The following ARHGAP26 variants were observed in gnomAD, a reference collection of about 807,000 sequenced individuals.
The protein encoded by ARHGAP26 is Rho GTPase activating protein 26, also known as rho GTPase-activating protein 26.
In ARHGAP26, 38 loss-of-function variants were observed where a neutral mutation model predicts 104.8. The observed-to-expected ratio is 0.36, with a 90% CI of 0.28 to 0.48. The LOEUF is 0.48. Among genes scored for constraint, ARHGAP26 ranks in the 20% least tolerant of loss-of-function variants. The pLI is 0.99. For missense variants in ARHGAP26, 704 were observed against 947.9 expected, an observed-to-expected ratio of 0.74 and a Z score of 3.38; for synonymous variants, 341 against 340.0, an observed-to-expected ratio of 1.00 and a Z score of -0.03.
chr5:142,853,180 T>G (rs1597914221), intron 1 of ARHGAP26, among the ~76,000 whole-genome samples: 1 of 152,142 alleles, frequency 6.6e-6, no homozygotes, highest in African/African-American at 2.4e-5. Flanking sequence ...AGATTTTATT[T>G]TTTAATTTTA....
intron 11 of ARHGAP26, among the ~76,000 whole-genome samples, chr5:142,934,023 G>T (rs559673745): frequency 6.6e-6 from 1 of 152,256 alleles, no homozygotes; most frequent in Admixed American, 6.5e-5. Flanking sequence ...GAACAATCCT[G>T]TATGGGATTC....
intron 17 of ARHGAP26, among the ~76,000 whole-genome samples, chr5:143,116,001 C>CA (rs56345019): frequency 0.85 from 116,657 of 137,456 alleles, 48,035 homozygotes; most frequent in Non-Finnish European, 0.92. Flanking sequence ...AAAATAGAAT[C>CA]GACAGGATAA....
At chr5:142,785,998 GAC>G (rs1170497280) in intron 1 of ARHGAP26, among the ~76,000 whole-genome samples, 4 of 147,426 alleles carry the variant, frequency 2.7e-5, no homozygotes, top group Non-Finnish European at 6.0e-5. Context: ...TTTTTAAATA[GAC>G]AGAGTCTTGT....
chr5:142,983,500 C>A (rs1774250791), intron 11 of ARHGAP26, among the ~76,000 whole-genome samples: 1 of 152,226 alleles, frequency 6.6e-6, no homozygotes, highest in Non-Finnish European at 1.5e-5. Flanking sequence ...GCCTCCACGA[C>A]CAGCCTGGTC....
At chr5:143,202,914 C>G (rs1210583318) in intron 20 of ARHGAP26, 1 of 152,070 alleles carries the variant, frequency 6.6e-6, no homozygotes, top group Non-Finnish European at 1.5e-5. Context: ...ACATTTTATA[C>G]AAAAATTAGC....
chr5:142,826,508 TG>T (rs1378218478), intron 1 of ARHGAP26, among the ~76,000 whole-genome samples: 2 of 152,246 alleles, frequency 1.3e-5, no homozygotes, highest in Admixed American at 1.3e-4. Context: ...TTCAACTACG[TG>T]CTAGCACGAG....
intron 1 of ARHGAP26, chr5:142,771,287 C>T (rs1197268424): frequency 1.2e-5 from 15 of 1,239,716 alleles, no homozygotes; most frequent in African/African-American, 3.1e-5. Flanking sequence ...CTCCAGCTCC[C>T]TTAGGGGCAG....
intron 14 of ARHGAP26, among the ~76,000 whole-genome samples, chr5:143,046,785 T>G (rs1784303801): frequency 6.6e-6 from 1 of 152,240 alleles, no homozygotes; most frequent in South Asian, 2.1e-4. Flanking sequence ...GTACATATTT[T>G]AAATAAATTT....
chr5:142,943,606 A>T (rs1181989867), intron 11 of ARHGAP26, among the ~76,000 whole-genome samples: 2 of 152,142 alleles, frequency 1.3e-5, no homozygotes, highest in Admixed American at 6.5e-5. Flanking sequence ...AACACATGAA[A>T]TTTTTTGGGG....
At chr5:143,060,094 A>G (rs1244556355) in intron 17 of ARHGAP26, among the ~76,000 whole-genome samples, 1 of 152,206 alleles carries the variant, frequency 6.6e-6, no homozygotes, top group Non-Finnish European at 1.5e-5. Context: ...GCAGTAAGGG[A>G]AAGTTAACTT....
intron 11 of ARHGAP26, among the ~76,000 whole-genome samples, chr5:142,932,330 G>A (rs1764846436): frequency 6.6e-6 from 1 of 152,166 alleles, no homozygotes; most frequent in Non-Finnish European, 1.5e-5. Flanking sequence ...TGGCCTCTCT[G>A]TCCTAAGGCA....
intron 10 of ARHGAP26, among the ~76,000 whole-genome samples, chr5:142,928,218 T>TG (rs1446608415): frequency 4.4e-5 from 6 of 137,630 alleles, no homozygotes; most frequent in African/African-American, 1.3e-4. Context: ...ATTAGGACTT[T>TG]TTGTGTGTGT....
At chr5:142,940,143 C>A (rs1766022074) in intron 11 of ARHGAP26, among the ~76,000 whole-genome samples, 1 of 152,188 alleles carries the variant, frequency 6.6e-6, no homozygotes, top group Non-Finnish European at 1.5e-5. Context: ...AGTTCATAAT[C>A]CTGCTGTATG....
intron 17 of ARHGAP26, among the ~76,000 whole-genome samples, chr5:143,095,073 G>A (rs1598988128): frequency 6.6e-6 from 1 of 151,528 alleles, no homozygotes; most frequent in African/African-American, 2.4e-5. Context: ...ATATCACCTG[G>A]ACTTTTGACT....
At chr5:143,067,246 T>C (rs554579455) in intron 17 of ARHGAP26, among the ~76,000 whole-genome samples, 1 of 152,304 alleles carries the variant, frequency 6.6e-6, no homozygotes, top group South Asian at 2.1e-4. Flanking sequence ...CTGACTTTCC[T>C]TCTGTTTTAC....
intron 17 of ARHGAP26, among the ~76,000 whole-genome samples, chr5:143,111,063 T>A (rs550624941): frequency 6.6e-6 from 1 of 152,334 alleles, no homozygotes; most frequent in African/African-American, 2.4e-5. Flanking sequence ...AGCAAAAGTA[T>A]CATTCTTCTT....
At chr5:142,888,571 A>C (rs1598093722) in intron 5 of ARHGAP26, among the ~76,000 whole-genome samples, 1 of 152,216 alleles carries the variant, frequency 6.6e-6, no homozygotes, top group South Asian at 2.1e-4. Context: ...CACTCTGATT[A>C]TCCAGAGTTG....
chr5:142,969,113 T>C (rs1160791938), intron 11 of ARHGAP26, among the ~76,000 whole-genome samples: 3 of 152,086 alleles, frequency 2.0e-5, no homozygotes, highest in Non-Finnish European at 4.4e-5. Context: ...ATTATTATTA[T>C]TATTATTTAT....
At chr5:143,167,439 C>T (rs1463894188) in intron 20 of ARHGAP26, among the ~76,000 whole-genome samples, 1 of 121,014 alleles carries the variant, frequency 8.3e-6, no homozygotes, top group African/African-American at 3.3e-5. Flanking sequence ...GCTGAGATCA[C>T]ACCACTGCAC....
Sources: allele counts gnomAD v4.1 joint callset (sites outside exome capture counted in the v4.1 genomes callset), GRCh38; gene constraint gnomAD v4.1.1; transcripts MANE v1.5; gene names NCBI Gene and HGNC (gene_info 2026-07-23, HGNC 2026-07-21).